EPHX2: variants seen among roughly 807,000 people sequenced by gnomAD.
EPHX2 encodes bifunctional epoxide hydrolase 2.
A neutral mutation model predicts 78.7 loss-of-function variants in EPHX2; 74 were observed. That is an observed-to-expected ratio of 0.94 (90% CI 0.78 to 1.14). The LOEUF is 1.14. Ranked by LOEUF, EPHX2 falls within the 50% of genes most tolerant of loss-of-function variation. The probability of loss-of-function intolerance (pLI) is 0.00; values close to 1 mark genes in which losing one functional copy is unlikely to be tolerated. For synonymous variants in EPHX2, 251 were observed against 255.2 expected (o/e 0.98, Z 0.16); for missense variants, 715 against 702.5 (o/e 1.02, Z -0.20).
intron 6 of EPHX2, among the ~76,000 whole-genome samples, chr8:27,514,270 G>T (rs1324320027): frequency 6.6e-6 from 1 of 151,982 alleles, no homozygotes; most frequent in Non-Finnish European, 1.5e-5. Flanking sequence ...TCATGCCCCT[G>T]CCCTCCAGCC....
intron 6 of EPHX2, among the ~76,000 whole-genome samples, chr8:27,512,775 C>T (rs1814300432): frequency 6.6e-6 from 1 of 152,246 alleles, no homozygotes; most frequent in African/African-American, 2.4e-5. Context: ...ACTTAACTGA[C>T]ATTGCAGCCT....
chr8:27,522,581 C>T lies in EPHX2; in HGVS notation c.1058+73C>T, dbSNP rs2132759905. 12 of 1,492,348 alleles carry T rather than the reference C, an allele frequency of 8.0e-6. No individual in the cohort carries two copies. The South Asian group carries it at 1.4e-4, about 17-fold the overall frequency. 92.4% of individuals were successfully genotyped at this position (1,492,348 alleles called of 1,614,324 possible). A position where few individuals can be genotyped will look rare whatever the true frequency, so the allele number is the denominator to read the frequency against. On this transcript the variant is annotated intron_variant, in intron 11 of 18. Transcript: ENST00000521400. Reference sequence around the variant, plus strand: ...CTCCTGTGAGAATTGTTCCTCAGATCTTTAAGCCCAGAAAACTTCTCAAAA... The same window carrying T: ...CTCCTGTGAGAATTGTTCCTCAGATTTTTAAGCCCAGAAAACTTCTCAAAA...
At chr8:27,507,843 TC>T (rs1231908833) in intron 5 of EPHX2, among the ~76,000 whole-genome samples, 6 of 152,190 alleles carry the variant, frequency 3.9e-5, no homozygotes, top group Non-Finnish European at 7.3e-5. Flanking sequence ...AGCCACTTTC[TC>T]CCTATTTCCT....
rs144847063 is a variant in EPHX2, at chr8:27,517,886, G to A, written c.911-152G>A. ...GCAACAAAAGCAAAAGCAAACACTC[G>A]AGTCTACCTCAGTCTAAGGATTTAG... On this transcript the variant is annotated intron_variant, in intron 8 of 18. Coordinates refer to ENST00000521400, the MANE Select transcript of EPHX2 (RefSeq NM_001979.6). The A allele has an allele frequency of 6.1e-3, 3,918 of 637,214 alleles. 22 individuals carry two copies. Among genetic ancestry groups the A allele is most frequent in the Non-Finnish European group, 7.5e-3 (2,731 of 363,972 alleles). The allele number at this position is 637,214 out of a possible 1,614,324, so 39.5% of individuals were successfully genotyped here.
intron 12 of EPHX2, among the ~76,000 whole-genome samples, chr8:27,531,831 A>T (rs1393011760): frequency 6.6e-6 from 1 of 152,142 alleles, no homozygotes; most frequent in Non-Finnish European, 1.5e-5. Context: ...AACTCCTGGG[A>T]TGGTGGAGGG....
intron 12 of EPHX2, among the ~76,000 whole-genome samples, chr8:27,529,577 C>T (rs571024357): frequency 1.6e-4 from 24 of 152,124 alleles, no homozygotes; most frequent in Admixed American, 4.6e-4. Context: ...TGGCAGGCAC[C>T]TGTGTGTGTG....
Position 27,544,540 on chromosome 8 carries a change from C to T in EPHX2, c.*18C>T, listed in dbSNP as rs199902688. On this transcript the variant is annotated 3_prime_UTR_variant, in exon 19 of 19. Transcript: ENST00000521400. ...AGATGTAGAACGCAGCGTGTGCCCA[C>T]GCTCAGCAGGTGTGCCATCCTTCCA... The T allele has an allele frequency of 4.4e-5, 71 of 1,612,838 alleles. No individual in the cohort carries two copies. Among genetic ancestry groups the T allele is most frequent in the East Asian group, 2.2e-4 (10 of 44,886 alleles).
chr8:27,502,486 G>C (rs1231149273), intron 2 of EPHX2, among the ~76,000 whole-genome samples: 2 of 152,192 alleles, frequency 1.3e-5, no homozygotes, highest in Non-Finnish European at 2.9e-5. Context: ...GCTACCTACA[G>C]CAAATATGCC....
At chr8:27,543,484 C>G (rs1193236832) in intron 16 of EPHX2, among the ~76,000 whole-genome samples, 1 of 152,112 alleles carries the variant, frequency 6.6e-6, no homozygotes, top group Non-Finnish European at 1.5e-5. Context: ...CTTCTTGGTG[C>G]CATCAATTCG....
At chr8:27,542,364 C>G (rs1215242357) in intron 16 of EPHX2, among the ~76,000 whole-genome samples, 2 of 152,196 alleles carry the variant, frequency 1.3e-5, no homozygotes, top group African/African-American at 4.8e-5. Context: ...CTTAACCCCT[C>G]TGATCCACTG....
downstream of EPHX2, among the ~76,000 whole-genome samples, chr8:27,545,890 C>T (rs1378808958): frequency 1.3e-5 from 2 of 152,092 alleles, no homozygotes; most frequent in Non-Finnish European, 2.9e-5. Context: ...TTCTTCACTG[C>T]CCTAGTGCAC....
chr8:27,538,793 C>A (rs1197233668), intron 14 of EPHX2, 101 bp downstream of exon 14: 1 of 1,396,548 alleles, frequency 7.2e-7, no homozygotes, highest in African/African-American at 1.4e-5. Context: ...AGCTCTCCAG[C>A]TCTGAACTTT....
Position 27,516,327 on chromosome 8 carries a change from C to G in EPHX2, c.839C>G (p.Ala280Gly). The G allele has an allele frequency of 6.2e-7, 1 of 1,613,928 alleles. No individual in the cohort carries two copies. The highest frequency in any genetic ancestry group is 8.5e-7 in the Non-Finnish European group (1 of 1,179,864). The stretch of plus-strand genomic sequence containing the variant: ...TGCCTGTTTGTTTTCTAGATCCCTG[C>G]TCTGGCCCAGGCAGGTTACCGGGTC... ...SWYSWRYQIP[A>G]LAQAGYRVLA... The change falls in exon 8 of 19, where the codon GCT becomes GGT. Residue 280 changes from alanine to glycine, a missense_variant. Physicochemically the swap from Ala to Gly is moderately conservative, Grantham distance 60. Transcript: ENST00000521400.
intron 2 of EPHX2, among the ~76,000 whole-genome samples, chr8:27,503,160 G>T (rs563184916): frequency 6.6e-6 from 1 of 152,338 alleles, no homozygotes; most frequent in South Asian, 2.1e-4. Flanking sequence ...GGTGCCATCT[G>T]TGAAATAGAA....
chr8:27,517,602 TCAACTGATCTTTGA>T (rs1177306768), intron 8 of EPHX2, among the ~76,000 whole-genome samples: 1 of 152,218 alleles, frequency 6.6e-6, no homozygotes, highest in Admixed American at 6.5e-5. Flanking sequence ...ATGTATGTGG[TCAACTGATCTTTGA>T]CAAGGGTATC....
intron 2 of EPHX2, among the ~76,000 whole-genome samples, chr8:27,502,768 A>G (rs1407751292): frequency 1.3e-5 from 2 of 152,214 alleles, no homozygotes; most frequent in African/African-American, 2.4e-5. Flanking sequence ...GGCACCAGTC[A>G]TATTGGATTA....
intron 14 of EPHX2, 58 bp downstream of exon 14, chr8:27,538,750 T>G (rs1216503606): frequency 7.0e-6 from 11 of 1,580,072 alleles, no homozygotes; most frequent in Non-Finnish European, 9.6e-6. Flanking sequence ...AAAGGGATGT[T>G]TCTGTCTCTG....
intron 1 of EPHX2, among the ~76,000 whole-genome samples, chr8:27,495,716 A>AGTG (rs1813547883): frequency 6.6e-6 from 1 of 152,234 alleles, no homozygotes; most frequent in Non-Finnish European, 1.5e-5. Flanking sequence ...ACCCATAAAC[A>AGTG]GTAAGGCCAG....
At chr8:27,491,523 A>G (rs1813379580) in intron 1 of EPHX2, among the ~76,000 whole-genome samples, 1 of 152,244 alleles carries the variant, frequency 6.6e-6, no homozygotes, top group Non-Finnish European at 1.5e-5. Context: ...AAGGTCTCCA[A>G]AATTGCTTTC....
Sources: gnomAD v4.1 joint callset for allele counts (sites outside exome capture counted in the v4.1 genomes callset) on GRCh38, gnomAD v4.1.1 for gene constraint, MANE v1.5 for transcripts, NCBI Gene and HGNC (gene_info 2026-07-23, HGNC 2026-07-21) for gene names.